Variants in ZNF436 observed in about 807,000 individuals in gnomAD.
ZNF436 encodes the protein zinc finger protein 436.
Under a neutral mutation model 41.9 loss-of-function variants are expected in ZNF436, and 22 were observed. That is an observed-to-expected ratio of 0.53 (90% CI 0.38 to 0.75). The LOEUF (loss-of-function observed/expected upper bound fraction) is 0.75, where lower values mean the gene tolerates loss of function less well. Ranked by LOEUF, ZNF436 falls within the 30% of genes least tolerant of loss-of-function variation. ZNF436 has a pLI of 0.00. For missense variants in ZNF436, 506 were observed against 587.3 expected (o/e 0.86, Z 1.43); for synonymous variants, 217 against 197.8 (o/e 1.10, Z -0.82).
chr1:23,362,937 G>A lies in ZNF436; in HGVS notation c.445C>T (p.Gln149Ter). The A allele has an allele frequency of 6.2e-7, 1 of 1,614,180 alleles. No homozygotes were observed. The highest frequency in any genetic ancestry group is 8.5e-7 in the Non-Finnish European group (1 of 1,180,028). The part of the protein sequence containing the change: ...ICSHCGKAFS[Q>*]ISDLNRHQKT... ...TGATGTCGATTAAGGTCTGAGATCT[G>A]ACTGAAGGCCTTTCCACAATGAGAA... Residue 149 changes from glutamine to a stop codon, truncating the protein, a stop_gained, in exon 4 of 4, where the codon CAG becomes TAG. Transcript: ENST00000314011. LOFTEE classifies it high-confidence loss of function.
At chr1:23,369,182 G>C in intron 1 of ZNF436, 184 bp downstream of exon 1, 4 of 394,564 alleles carry the variant, frequency 1.0e-5, no homozygotes, top group South Asian at 8.0e-5. Context: ...CCCCTGCGGG[G>C]GGGGCGGGCC....
chr1:23,362,545 T>C lies in ZNF436; in HGVS notation c.837A>G (p.Glu279=). The change falls in exon 4 of 4, where the codon GAA becomes GAG. Residue 279 remains glutamate (E), a synonymous_variant. Transcript: ENST00000314011. ...QRTHTGEKPY[E]CNECGRGFSE... is the part of the protein sequence containing the mutation. Reference sequence around the variant, plus strand: ...TGAAGCCTCGGCCACATTCGTTACATTCATAAGGTTTCTCACCCGTGTGGG... The same window carrying C: ...TGAAGCCTCGGCCACATTCGTTACACTCATAAGGTTTCTCACCCGTGTGGG... 1 of 1,612,288 alleles carries C rather than the reference T, an allele frequency of 6.2e-7. No individual in the cohort carries two copies.
rs1638240960 is a variant in ZNF436, at chr1:23,361,907, C to T, written c.*62G>A. ...AAAGCAGCTCAGTCTTGAGGGCGTTCATTGATATCAAATAAAATTGTATCT... is the reference window on the plus strand; with the variant it reads ...AAAGCAGCTCAGTCTTGAGGGCGTTTATTGATATCAAATAAAATTGTATCT... On this transcript the variant is annotated 3_prime_UTR_variant, in exon 4 of 4. Coordinates refer to ENST00000314011, the MANE Select transcript of ZNF436 (RefSeq NM_001077195.2). 1 of 1,498,538 alleles carries T rather than the reference C, an allele frequency of 6.7e-7. No homozygotes were observed. The highest frequency in any genetic ancestry group is 1.4e-5 in the African/African-American group (1 of 71,706). 92.8% of individuals were successfully genotyped at this position (1,498,538 alleles called of 1,614,324 possible).
Position 23,369,733 on chromosome 1 carries a change from C to A in ZNF436, c.-428G>T. ...GGAGGACTCGCAGCTCTCCCTTTCC[C>A]CAGCCAGGATGAGGGAATTAGACAA... On this transcript the variant is annotated 5_prime_UTR_variant, in exon 1 of 4. Transcript: ENST00000314011. 2.5e-6 allele frequency: 1 copy of A among 401,144 alleles called. No individual in the cohort carries two copies. Among genetic ancestry groups the A allele is most frequent in the East Asian group, 6.5e-5 (1 of 15,470 alleles). The allele number at this position is 401,144 out of a possible 1,614,324, so 24.8% of individuals were successfully genotyped here.
At position 23,360,389 on chromosome 1, in the gene ZNF436, G is replaced by C. The variant is rs1646986107; in HGVS notation, c.*1580C>G. On this transcript the variant is annotated 3_prime_UTR_variant, in exon 4 of 4. Transcript: ENST00000314011. ...ATAAAGCACAGTAGAAATAAACTGG[G>C]GGTACTCTCAAAAGAAAAGATATTC... The C allele has an allele frequency of 6.6e-6, 1 of 152,074 alleles. No individual in the cohort carries two copies. Among genetic ancestry groups the C allele is most frequent in the African/African-American group, 2.4e-5 (1 of 41,396 alleles). The allele number at this position is 152,074 out of a possible 1,614,324, so 9.4% of individuals were successfully genotyped here. A position where few individuals can be genotyped will look rare whatever the true frequency, so the allele number is the denominator to read the frequency against.
Position 23,362,093 on chromosome 1 carries a change from C to A in ZNF436, c.1289G>T (p.Ser430Ile). The A allele has an allele frequency of 6.2e-7, 1 of 1,614,020 alleles. No homozygotes were observed. The highest frequency in any genetic ancestry group is 8.5e-7 in the Non-Finnish European group (1 of 1,180,008). Residue 430 changes from serine to isoleucine, a missense_variant, in exon 4 of 4, where the codon AGC becomes ATC. Coordinates refer to ENST00000314011, the MANE Select transcript of ZNF436 (RefSeq NM_001077195.2). The part of the protein sequence containing the change: ...CVQCGKGFTQ[S>I]SNLITHQRVH... ...TCTTTGATGTGTGATGAGGTTGGAG[C>A]TCTGGGTGAAACCTTTCCCACACTG...
Position 23,362,441 on chromosome 1 carries a change from T to A in ZNF436, c.941A>T (p.Asn314Ile). Residue 314 changes from asparagine to isoleucine, a missense_variant, in exon 4 of 4, where the codon AAT becomes ATT. Asn to Ile is a moderately radical substitution (Grantham distance 149). Around this residue, in one of 2 missense-constraint regions of ZNF436, gnomAD observed 278 missense variants for 372.1 expected, o/e 0.75. Coordinates refer to ENST00000314011, the MANE Select transcript of ZNF436 (RefSeq NM_001077195.2). ...RPYKCDECGK[N>I]FSQNSDLVRH... ...CACAAGGTCGGAGTTCTGACTGAAA[T>A]TCTTCCCACACTCATCACACTTGTA... is the stretch of plus-strand genomic sequence containing the variant. The A allele has an allele frequency of 6.2e-7, 1 of 1,611,974 alleles. No homozygotes were observed. Among genetic ancestry groups the A allele is most frequent in the Non-Finnish European group, 8.5e-7 (1 of 1,179,326 alleles).
At chr1:23,365,351 G>A (rs1400674289) in intron 3 of ZNF436, among the ~76,000 whole-genome samples, 3 of 151,918 alleles carry the variant, frequency 2.0e-5, no homozygotes, top group Non-Finnish European at 2.9e-5. Flanking sequence ...AGCTGAGATC[G>A]CGCCACTGCA....
Position 23,360,774 on chromosome 1 carries a change from C to A in ZNF436, c.*1195G>T, listed in dbSNP as rs551583191. 6.5e-6 allele frequency: 1 copy of A among 152,748 alleles called. No individual in the cohort carries two copies. Among genetic ancestry groups the A allele is most frequent in the South Asian group, 2.1e-4 (1 of 4,822 alleles). 9.5% of individuals were successfully genotyped at this position (152,748 alleles called of 1,614,324 possible). On this transcript the variant is annotated 3_prime_UTR_variant, in exon 4 of 4. Transcript: ENST00000314011. ...TAGCTCTGTACAAAGACAGACCTTA[C>A]AGGAGAGTGCACACTAAAGCACTAG...
intron 1 of ZNF436, chr1:23,368,268 C>T (rs923563639): frequency 2.0e-6 from 1 of 494,582 alleles, no homozygotes; most frequent in Non-Finnish European, 3.6e-6. Flanking sequence ...CTAGGACAGC[C>T]CCCTGGCTGG....
At chr1:23,367,837 A>T in intron 2 of ZNF436, 136 bp downstream of exon 2, 1 of 901,456 alleles carries the variant, frequency 1.1e-6, no homozygotes, top group South Asian at 1.5e-5. Flanking sequence ...GCCTGGTACT[A>T]GGCCCCTGGA....
Position 23,363,152 on chromosome 1 carries a change from G to A in ZNF436, c.230C>T (p.Thr77Ile), listed in dbSNP as rs1638287267. Residue 77 changes from threonine to isoleucine, a missense_variant, in exon 4 of 4, where the codon ACT (threonine) becomes ATT (isoleucine). By Grantham distance (89) the Thr-to-Ile change is moderately conservative (BLOSUM62 -1). This residue lies in a region of ZNF436 where 228 missense variants were observed against 215.1 expected (regional missense o/e 1.06). Transcript: ENST00000314011. ...ATTCTCAGCAGGTCTTTCAGATGTA[G>A]TCCCAAATTGTACATCTTCACTAAT... ...QEISEDVQFG[T>I]TSERPAENAE... 1.2e-6 allele frequency: 2 copies of A among 1,614,018 alleles called. No homozygotes were observed. Among genetic ancestry groups the A allele is most frequent in the Non-Finnish European group, 8.5e-7 (1 of 1,179,984 alleles).
At chr1:23,363,717 C>G (rs1465438475) in intron 3 of ZNF436, among the ~76,000 whole-genome samples, 1 of 152,152 alleles carries the variant, frequency 6.6e-6, no homozygotes, top group East Asian at 1.9e-4. Context: ...AATTCACATT[C>G]TGTATCGCTG....
rs748035414 is a variant in ZNF436 at position 23,362,060 on chromosome 1, G to A, written c.1322C>T (p.Thr441Met). The A allele has an allele frequency of 1.3e-5, 21 of 1,614,042 alleles. No individual in the cohort carries two copies. Among genetic ancestry groups the A allele is most frequent in the Admixed American group, 3.3e-5 (2 of 60,004 alleles). The change falls in exon 4 of 4, where the codon ACG becomes ATG. Residue 441 changes from threonine to methionine, a missense_variant. By Grantham distance (81) the Thr-to-Met change is moderately conservative. Around this residue, in one of 2 missense-constraint regions of ZNF436, gnomAD observed 278 missense variants for 372.1 expected, o/e 0.75. Coordinates refer to ENST00000314011, the MANE Select transcript of ZNF436 (RefSeq NM_001077195.2). The part of the protein sequence containing the change: ...SNLITHQRVH[T>M]GEKPYECTEC... Reference sequence around the variant, plus strand: ...GGTACATTCATAAGGTTTCTCTCCCGTGTGAACTCTTTGATGTGTGATGAG... The same window carrying A: ...GGTACATTCATAAGGTTTCTCTCCCATGTGAACTCTTTGATGTGTGATGAG...
rs903058945 is a variant in ZNF436 at position 23,369,575 on chromosome 1, C to T, written c.-270G>A. Reference sequence around the variant, plus strand: ...AGATATCGTAGGCTGATCCTAAAGACTCAGATTCCCGAGGCCTCAGACTCG... The same window carrying T: ...AGATATCGTAGGCTGATCCTAAAGATTCAGATTCCCGAGGCCTCAGACTCG... On this transcript the variant is annotated 5_prime_UTR_variant, in exon 1 of 4. Coordinates refer to ENST00000314011, the MANE Select transcript of ZNF436 (RefSeq NM_001077195.2). 5.6e-6 allele frequency: 3 copies of T among 532,806 alleles called. No homozygotes were observed. Among genetic ancestry groups the T allele is most frequent in the Non-Finnish European group, 1.2e-5 (3 of 258,416 alleles). 33.0% of individuals were successfully genotyped at this position (532,806 alleles called of 1,614,324 possible).
In ZNF436 at chr1:23,369,353, C is replaced by T. The variant is rs781219413; in HGVS notation, c.-61+13G>A. The T allele has an allele frequency of 1.9e-6, 1 of 532,934 alleles. No individual in the cohort carries two copies. Among genetic ancestry groups the T allele is most frequent in the South Asian group, 1.4e-5 (1 of 71,534 alleles). The allele number at this position is 532,934 out of a possible 1,614,324, so 33.0% of individuals were successfully genotyped here. A position where few individuals can be genotyped will look rare whatever the true frequency, so the allele number is the denominator to read the frequency against. On this transcript the variant is annotated intron_variant, in intron 1 of 3. Transcript: ENST00000314011. Reference sequence around the variant, plus strand: ...GGAAGCCGAAAACCCGAGTGGGGGACGAACAGACTTACCTCCTGTCCCGCA... The same window carrying T: ...GGAAGCCGAAAACCCGAGTGGGGGATGAACAGACTTACCTCCTGTCCCGCA...
Position 23,361,075 on chromosome 1 carries a change from C to T in ZNF436, c.*894G>A, listed in dbSNP as rs1020645030. ...AGAAGGGAAAGAACACAGAAACGAC[C>T]TACATTCCTTGGGAAGGGACTCTGT... On this transcript the variant is annotated 3_prime_UTR_variant, in exon 4 of 4. Transcript: ENST00000314011. 6.6e-6 allele frequency: 1 copy of T among 152,416 alleles called. No individual in the cohort carries two copies. Among genetic ancestry groups the T allele is most frequent in the Non-Finnish European group, 1.5e-5 (1 of 68,042 alleles). The allele number at this position is 152,416 out of a possible 1,614,324, so 9.4% of individuals were successfully genotyped here.
At chr1:23,368,249 C>A (rs985614343) in intron 1 of ZNF436, 184 bp from the exon 2 acceptor site, 3 of 562,198 alleles carry the variant, frequency 5.3e-6, no homozygotes, top group African/African-American at 3.8e-5. Flanking sequence ...GAGGCAATGC[C>A]GGAATCTACT....
intron 2 of ZNF436, 40 bp from the exon 3 acceptor site, chr1:23,367,208 G>A (rs1439255605): frequency 1.3e-6 from 2 of 1,541,820 alleles, no homozygotes; most frequent in Non-Finnish European, 1.8e-6. Flanking sequence ...CTGTATTTAG[G>A]ACTTCTTGAA....
Sources: gnomAD v4.1 joint callset for allele counts (sites outside exome capture counted in the v4.1 genomes callset) on GRCh38, gnomAD v4.1.1 for gene constraint, gnomAD v4.1.1 regional missense constraint, MANE v1.5 for transcripts, NCBI Gene and HGNC (gene_info 2026-07-23, HGNC 2026-07-21) for gene names.